The following LRRC4C variants were observed in gnomAD, a reference collection of about 807,000 sequenced individuals.
LRRC4C encodes leucine rich repeat containing 4C, also known as leucine-rich repeat-containing protein 4C.
LRRC4C carries 5 observed loss-of-function variants against 33.6 expected under a neutral mutation model. The observed-to-expected ratio is 0.15, with a 90% CI of 0.08 to 0.31. The LOEUF is 0.31. LRRC4C is among the 10% of genes least tolerant of loss of function. The pLI, the probability that LRRC4C is intolerant of heterozygous loss-of-function variation, is 1.00. For missense variants in LRRC4C, 560 were observed against 796.7 expected, an observed-to-expected ratio of 0.70 and a Z score of 3.58; for synonymous variants, 329 against 302.0, an observed-to-expected ratio of 1.09 and a Z score of -0.93.
chr11:40,242,479 A>C (rs971170924), intron 4 of LRRC4C, among the ~76,000 whole-genome samples: 1 of 152,222 alleles, frequency 6.6e-6, no homozygotes, highest in Admixed American at 6.5e-5. Flanking sequence ...ATAAAATCTG[A>C]GAGATCATCT....
At chr11:41,261,340 T>A (rs1948976296) in intron 1 of LRRC4C, among the ~76,000 whole-genome samples, 1 of 152,118 alleles carries the variant, frequency 6.6e-6, no homozygotes, top group Non-Finnish European at 1.5e-5. Context: ...TTTTTATTAT[T>A]TATAAATGAC....
chr11:40,692,165 A>C (rs557182074), intron 2 of LRRC4C, among the ~76,000 whole-genome samples: 42 of 152,160 alleles, frequency 2.8e-4, no homozygotes, highest in African/African-American at 1.0e-3. Flanking sequence ...AATGAACCCG[A>C]GAGAGATCAG....
At chr11:40,579,671 C>T (rs769618247) in intron 3 of LRRC4C, among the ~76,000 whole-genome samples, 23 of 152,068 alleles carry the variant, frequency 1.5e-4, no homozygotes, top group Non-Finnish European at 3.1e-4. Context: ...ATAACTCTTA[C>T]GTGTTTGTAC....
intron 1 of LRRC4C, among the ~76,000 whole-genome samples, chr11:41,178,102 G>A (rs1945283165): frequency 6.6e-6 from 1 of 152,152 alleles, no homozygotes; most frequent in Admixed American, 6.5e-5. Flanking sequence ...AAGCATAAAT[G>A]TGGAAACCAG....
intron 1 of LRRC4C, among the ~76,000 whole-genome samples, chr11:40,972,070 G>A (rs746732690): frequency 1.3e-5 from 2 of 151,798 alleles, no homozygotes; most frequent in Non-Finnish European, 2.9e-5. Flanking sequence ...ATGAGACTTT[G>A]GACTATGGAC....
chr11:40,330,685 C>A (rs1946321188), intron 3 of LRRC4C, among the ~76,000 whole-genome samples: 1 of 152,058 alleles, frequency 6.6e-6, no homozygotes, highest in South Asian at 2.1e-4. Context: ...CTTATAAAAC[C>A]ATCAGATCTC....
At chr11:40,518,470 AG>A (rs983059388) in intron 3 of LRRC4C, among the ~76,000 whole-genome samples, 1 of 152,234 alleles carries the variant, frequency 6.6e-6, no homozygotes, top group African/African-American at 2.4e-5. Flanking sequence ...ACTTTTCAAA[AG>A]AAGCCATTTA....
chr11:40,872,803 A>T (rs1591956126), intron 2 of LRRC4C, among the ~76,000 whole-genome samples: 1 of 152,188 alleles, frequency 6.6e-6, no homozygotes, highest in Admixed American at 6.5e-5. Context: ...GGAAAAAAAT[A>T]AATTTACTTC....
chr11:40,553,463 A>G (rs551104319), intron 3 of LRRC4C, among the ~76,000 whole-genome samples: 1 of 152,294 alleles, frequency 6.6e-6, no homozygotes, highest in Non-Finnish European at 1.5e-5. Flanking sequence ...TGAAACTCTG[A>G]CAGCATCATT....
intron 1 of LRRC4C, among the ~76,000 whole-genome samples, chr11:41,023,112 C>T (rs1163835215): frequency 4.0e-5 from 6 of 151,868 alleles, no homozygotes; most frequent in Admixed American, 3.9e-4. Flanking sequence ...CATAAGAGAA[C>T]ATCACCAAGA....
chr11:41,336,375 C>A (rs1195092440), intron 1 of LRRC4C, among the ~76,000 whole-genome samples: 2 of 150,810 alleles, frequency 1.3e-5, no homozygotes, highest in African/African-American at 4.9e-5. Flanking sequence ...AGTGTATATG[C>A]AAACCCTTCT....
Position 40,952,849 on chromosome 11 carries a change from A to AACACACACAC in LRRC4C, c.-495-19136_-495-19127dup, listed in dbSNP as rs56684958. Among the ~76,000 whole-genome samples the AACACACACAC allele has an allele frequency of 2.7e-3, 305 of 112,770 alleles. 8 individuals are homozygous for AACACACACAC. Among genetic ancestry groups the AACACACACAC allele is most frequent in the African/African-American group, 0.01 (279 of 26,960 alleles). The allele number at this position is 112,770 out of a possible 152,430, so 74.0% of individuals were successfully genotyped here. On this transcript the variant is annotated intron_variant, in intron 1 of 6. Coordinates refer to ENST00000528697, the MANE Select transcript of LRRC4C (RefSeq NM_001258419.2). ...TCACACACACCTCTGTCTATTTCCA[A>AACACACACAC]ACACACACACACACACACACACACA...
chr11:40,912,189 C>T (rs1169615552), intron 2 of LRRC4C, among the ~76,000 whole-genome samples: 1 of 152,074 alleles, frequency 6.6e-6, no homozygotes, highest in East Asian at 1.9e-4. Flanking sequence ...TCAGGAAATA[C>T]AGAGAATGCC....
chr11:41,239,733 T>A (rs1948175538), intron 1 of LRRC4C, among the ~76,000 whole-genome samples: 1 of 152,206 alleles, frequency 6.6e-6, no homozygotes, highest in South Asian at 2.1e-4. Context: ...AGAACATGAG[T>A]TCCAAGGTCA....
At chr11:40,565,571 C>T (rs1456334896) in intron 3 of LRRC4C, among the ~76,000 whole-genome samples, 1 of 152,154 alleles carries the variant, frequency 6.6e-6, no homozygotes, top group Non-Finnish European at 1.5e-5. Flanking sequence ...CAGGGCTCTT[C>T]CTACCCAAAC....
chr11:40,158,945 A>G (rs1858932404), intron 5 of LRRC4C, among the ~76,000 whole-genome samples: 1 of 152,200 alleles, frequency 6.6e-6, no homozygotes, highest in Admixed American at 6.5e-5. Flanking sequence ...TCATTTCTTT[A>G]TTCACTCATG....
At chr11:41,241,417 T>C (rs1180362309) in intron 1 of LRRC4C, among the ~76,000 whole-genome samples, 3 of 152,002 alleles carry the variant, frequency 2.0e-5, no homozygotes, top group Non-Finnish European at 2.9e-5. Flanking sequence ...AAAGAAACAG[T>C]GAGTCCAGAG....
At chr11:40,914,542 A>G (rs77204076) in intron 2 of LRRC4C, among the ~76,000 whole-genome samples, 1 of 152,126 alleles carries the variant, frequency 6.6e-6, no homozygotes. Flanking sequence ...TTGATGGGAC[A>G]TATCTCAAAA....
At chr11:41,019,754 C>T (rs926155675) in intron 1 of LRRC4C, among the ~76,000 whole-genome samples, 6 of 152,096 alleles carry the variant, frequency 3.9e-5, no homozygotes, top group African/African-American at 1.4e-4. Flanking sequence ...TTTTGATTTG[C>T]ATTTCTCTGA....
Sources: gnomAD v4.1 joint callset for allele counts (sites outside exome capture counted in the v4.1 genomes callset) on GRCh38, gnomAD v4.1.1 for gene constraint, MANE v1.5 for transcripts, NCBI Gene and HGNC (gene_info 2026-07-23, HGNC 2026-07-21) for gene names.